The following DOHH variants were observed in gnomAD, a reference collection of about 807,000 sequenced individuals.
DOHH encodes HEAT-like (PBS lyase) repeat containing 1.
Under a neutral mutation model 19.9 loss-of-function variants are expected in DOHH, and 16 were observed. The observed-to-expected ratio is 0.80, with a 90% CI of 0.54 to 1.22. The LOEUF (loss-of-function observed/expected upper bound fraction) is 1.22, where lower values mean the gene tolerates loss of function less well. DOHH is among the 50% of genes most tolerant of loss of function. The pLI, the probability that DOHH is intolerant of heterozygous loss-of-function variation, is 0.00. For synonymous variants in DOHH, 233 were observed against 217.0 expected (o/e 1.07, Z -0.65); for missense variants, 460 against 460.6 (o/e 1.00, Z 0.01).
Position 3,496,724 on chromosome 19 carries a change from G to A in DOHH, c.91C>T (p.Leu31=), listed in dbSNP as rs2082911029. The A allele has an allele frequency of 2.5e-6, 4 of 1,612,300 alleles. No homozygotes were observed. The Admixed American group carries it at 5.0e-5, about 20-fold the overall frequency. Residue 31 remains leucine (L), a synonymous_variant, in exon 2 of 5, where the codon CTG becomes TTG. Transcript: ENST00000427575. The surrounding 1 kb of genome is among the most constrained non-coding windows in gnomAD (Gnocchi z 4.8). ...LQARFRALFT[L]RGLGGPGAIA... ...GCGCCTGGGCCGCCGAGCCCACGCAGCGTGAACAGCGCCCGGAAGCGGGCC... is the reference window on the plus strand; with the variant it reads ...GCGCCTGGGCCGCCGAGCCCACGCAACGTGAACAGCGCCCGGAAGCGGGCC...
chr19:3,492,567 G>C (rs1401714848), intron 3 of DOHH, 68 bp from the exon 4 acceptor site: 2 of 1,236,118 alleles, frequency 1.6e-6, no homozygotes. Context: ...CCCACCCCCC[G>C]GGATGGCAGC....
Position 3,492,515 on chromosome 19 carries a change from A to G in DOHH, c.352-16T>C. ...TCTCGGCCACCTGCGGGGAGGGGGT[A>G]TCAGGCAGCGGGTTGGCCCTGGGGG... On this transcript the variant is annotated splice_polypyrimidine_tract_variant and intron_variant, in intron 3 of 4. Transcript: ENST00000427575. 1 of 1,373,570 alleles carries G rather than the reference A, an allele frequency of 7.3e-7. No individual in the cohort carries two copies. Among genetic ancestry groups the G allele is most frequent in the Non-Finnish European group, 9.3e-7 (1 of 1,070,232 alleles). The allele number at this position is 1,373,570 out of a possible 1,614,324, so 85.1% of individuals were successfully genotyped here.
Position 3,492,254 on chromosome 19 carries a change from C to T in DOHH, c.589+8G>A, listed in dbSNP as rs908864853. The T allele has an allele frequency of 1.4e-6, 2 of 1,456,852 alleles. No homozygotes were observed. Among genetic ancestry groups the T allele is most frequent in the Admixed American group, 2.6e-5 (1 of 38,806 alleles). The allele number at this position is 1,456,852 out of a possible 1,614,324, so 90.2% of individuals were successfully genotyped here. ...GCCCAGGACCCCACCCCAGAAGCCCCTCCTCACCCTCGGCCAGCGCCAGGG... is the reference window on the plus strand; with the variant it reads ...GCCCAGGACCCCACCCCAGAAGCCCTTCCTCACCCTCGGCCAGCGCCAGGG... On this transcript the variant is annotated splice_region_variant and intron_variant, in intron 4 of 4. Transcript: ENST00000427575.
intron 4 of DOHH, among the ~76,000 whole-genome samples, 197 bp downstream of exon 4, chr19:3,492,065 G>C (rs1178510274): frequency 2.6e-5 from 4 of 152,194 alleles, no homozygotes; most frequent in Non-Finnish European, 5.9e-5. Flanking sequence ...CGCAGCTATG[G>C]GGGCGGGAAA....
intron 1 of DOHH, 43 bp downstream of exon 1, chr19:3,500,518 A>T (rs549473218): frequency 6.6e-6 from 1 of 152,292 alleles, no homozygotes; most frequent in South Asian, 2.1e-4. Context: ...CGCCCGCCAG[A>T]CCCGGGCCCC....
intron 2 of DOHH, among the ~76,000 whole-genome samples, chr19:3,495,265 A>C (rs60868082): frequency 0.081 from 12,298 of 152,000 alleles, 1,739 homozygotes; most frequent in African/African-American, 0.28. Flanking sequence ...GCGTGAGCCA[A>C]TGCACCCGAC....
Position 3,492,277 on chromosome 19 carries a change from G to T in DOHH, c.574C>A (p.Leu192Met). ...CCCTCCTCACCCTCGGCCAGCGCCA[G>T]GGCGGCCTCCTCGCCTCCCGCGTTG... ...LRNAGGEEAA[L>M]ALAEGLHCGS... The change falls in exon 4 of 5, where the codon CTG becomes ATG. Residue 192 changes from leucine to methionine, a missense_variant. Transcript: ENST00000427575. 1 of 1,493,764 alleles carries T rather than the reference G, an allele frequency of 6.7e-7. No homozygotes were observed. The highest frequency in any genetic ancestry group is 1.3e-5 in the South Asian group (1 of 75,072). The allele number at this position is 1,493,764 out of a possible 1,614,324, so 92.5% of individuals were successfully genotyped here.
intron 3 of DOHH, among the ~76,000 whole-genome samples, chr19:3,492,794 G>C (rs2082880763): frequency 6.6e-6 from 1 of 152,178 alleles, no homozygotes; most frequent in South Asian, 2.1e-4. Context: ...AGGCCCTGAG[G>C]CAGGACCCTG....
At chr19:3,497,434 C>T (rs1020295594) in intron 1 of DOHH, among the ~76,000 whole-genome samples, 2 of 152,200 alleles carry the variant, frequency 1.3e-5, no homozygotes, top group African/African-American at 4.8e-5. Context: ...ACTGAGCCCT[C>T]CCACCAACAG....
intron 1 of DOHH, among the ~76,000 whole-genome samples, chr19:3,498,410 AT>A (rs1033463882): frequency 8.3e-4 from 121 of 146,332 alleles, no homozygotes; most frequent in Non-Finnish European, 1.0e-3. Context: ...TAATGAAGGA[AT>A]TTTTTTTTTT....
rs1156558798 is a variant in DOHH at position 3,491,835 on chromosome 19, T to C, written c.590-24A>G. On this transcript the variant is annotated intron_variant, in intron 4 of 4. Coordinates refer to ENST00000427575, the MANE Select transcript of DOHH (RefSeq NM_001145165.2). The surrounding 1 kb of genome is among the most constrained non-coding windows in gnomAD (Gnocchi z 5.6). Reference sequence around the variant, plus strand: ...ACCTGCAGGGGAGAGGGACACTCGCTGGGGCCAGGAGGGGTGGGAAGGGGA... The same window carrying C: ...ACCTGCAGGGGAGAGGGACACTCGCCGGGGCCAGGAGGGGTGGGAAGGGGA... 2.5e-5 allele frequency: 36 copies of C among 1,432,994 alleles called. No individual in the cohort carries two copies. Among genetic ancestry groups the C allele is most frequent in the Non-Finnish European group, 3.3e-5 (36 of 1,095,536 alleles). The allele number at this position is 1,432,994 out of a possible 1,614,324, so 88.8% of individuals were successfully genotyped here.
intron 1 of DOHH, among the ~76,000 whole-genome samples, chr19:3,497,489 C>T (rs1044108463): frequency 6.6e-6 from 1 of 152,212 alleles, no homozygotes; most frequent in African/African-American, 2.4e-5. Flanking sequence ...CAGCCCCAAG[C>T]GAACCTTCAG....
chr19:3,493,974 C>T, intron 3 of DOHH, 54 bp downstream of exon 3: 1 of 1,556,260 alleles, frequency 6.4e-7, no homozygotes, highest in Admixed American at 1.8e-5. Context: ...CAGGGCTGGG[C>T]AGGGCTTCCC....
Position 3,491,541 on chromosome 19 carries a change from G to A in DOHH, c.860C>T (p.Ala287Val), listed in dbSNP as rs1299051296. The change falls in exon 5 of 5, where the codon GCC (alanine) becomes GTC (valine). Residue 287 changes from alanine (A) to valine (V), a missense_variant. By Grantham distance (64) the Ala-to-Val change is moderately conservative. Coordinates refer to ENST00000427575, the MANE Select transcript of DOHH (RefSeq NM_001145165.2). This position sits in a 1 kb window ranked among gnomAD's most constrained non-coding sequence, Gnocchi z 5.6. ...LDMYEHETGR[A>V]FQYADGLEQL... ...CTCCAGGCCGTCCGCGTACTGGAAG[G>A]CCCGCCCGGTCTCGTGCTCATACAT... 2 of 1,535,722 alleles carry A rather than the reference G, an allele frequency of 1.3e-6. No homozygotes were observed. The highest frequency in any genetic ancestry group is 1.7e-6 in the Non-Finnish European group (2 of 1,146,716).
At chr19:3,492,181 G>A (rs769642814) in intron 4 of DOHH, 81 bp downstream of exon 4, 6 of 1,265,130 alleles carry the variant, frequency 4.7e-6, no homozygotes, top group South Asian at 3.6e-5. Context: ...GGGGCAGGCC[G>A]CGGCCCCACT....
At chr19:3,493,111 G>A (rs572088035) in intron 3 of DOHH, among the ~76,000 whole-genome samples, 1 of 152,314 alleles carries the variant, frequency 6.6e-6, no homozygotes, top group South Asian at 2.1e-4. Flanking sequence ...CACAGTGAGT[G>A]GACACAGCAT....
Position 3,491,615 on chromosome 19 carries a change from C to G in DOHH, c.786G>C (p.Ala262=). 2 of 1,535,556 alleles carry G rather than the reference C, an allele frequency of 1.3e-6. No individual in the cohort carries two copies. The highest frequency in any genetic ancestry group is 1.4e-5 in the African/African-American group (1 of 73,080). The change falls in exon 5 of 5, where the codon GCG becomes GCC. Residue 262 remains alanine, a synonymous_variant. Coordinates refer to ENST00000427575, the MANE Select transcript of DOHH (RefSeq NM_001145165.2). This position sits in a 1 kb window ranked among gnomAD's most constrained non-coding sequence, Gnocchi z 5.6. ...CACGCACCACGCGCTCTGGGTCGTC[C>G]GCGTGAGCCTGCAGCGCGGCCAGGC... is the stretch of plus-strand genomic sequence containing the variant. ...PACLAALQAH[A]DDPERVVRES...
Position 3,491,085 on chromosome 19 carries a change from T to TC in DOHH, c.*406dup, listed in dbSNP as rs2082865556. 3.4e-5 allele frequency: 8 copies of TC among 233,798 alleles called. No homozygotes were observed. The highest frequency in any genetic ancestry group is 2.1e-4 in the African/African-American group (7 of 34,042). 14.5% of individuals were successfully genotyped at this position (233,798 alleles called of 1,614,324 possible). A position where few individuals can be genotyped will look rare whatever the true frequency, so the allele number is the denominator to read the frequency against. ...CCTCCCCTGGCTCCCCTCGCGATCC[T>TC]CCCTTGGCTTCCCTCGCGATCCTCC... On this transcript the variant is annotated 3_prime_UTR_variant, in exon 5 of 5. Coordinates refer to ENST00000427575, the MANE Select transcript of DOHH (RefSeq NM_001145165.2). The surrounding 1 kb of genome is among the most constrained non-coding windows in gnomAD (Gnocchi z 5.6).
chr19:3,497,987 T>C (rs1251160571), intron 1 of DOHH, among the ~76,000 whole-genome samples: 1 of 152,198 alleles, frequency 6.6e-6, no homozygotes. Context: ...ACTTTCAATA[T>C]GTAAACTGGA....
Sources: gnomAD v4.1 joint callset for allele counts (sites outside exome capture counted in the v4.1 genomes callset) on GRCh38, gnomAD v4.1.1 for gene constraint, Gnocchi (gnomAD v3.1) non-coding constraint, MANE v1.5 for transcripts, NCBI Gene and HGNC (gene_info 2026-07-23, HGNC 2026-07-21) for gene names.